PCDHA5: variants seen among roughly 807,000 people sequenced by gnomAD.
PCDHA5 encodes the protein protocadherin alpha 5.
Under a neutral mutation model 61.6 loss-of-function variants are expected in PCDHA5, and 43 were observed. That is an observed-to-expected ratio of 0.70 (90% CI 0.55 to 0.90). The LOEUF is 0.90. PCDHA5 is among the 40% of genes least tolerant of loss of function. PCDHA5 has a pLI of 0.00. For synonymous variants in PCDHA5, 627 were observed against 543.9 expected, an observed-to-expected ratio of 1.15 and a Z score of -2.13; for missense variants, 1,298 against 1,222.7, an observed-to-expected ratio of 1.06 and a Z score of -0.92.
chr5:140,846,015 G>C (rs567874372), intron 1 of PCDHA5, among the ~76,000 whole-genome samples: 1 of 149,618 alleles, frequency 6.7e-6, no homozygotes, highest in South Asian at 2.1e-4. Flanking sequence ...AAATCTAAAA[G>C]TTATTACGAG....
chr5:140,846,369 CTTTCTTTTTTT>C (rs1554141260), intron 1 of PCDHA5, among the ~76,000 whole-genome samples: 1 of 102,192 alleles, frequency 9.8e-6, no homozygotes, highest in Admixed American at 1.1e-4. Context: ...TCTTTTCTTT[CTTTCTTTTTTT>C]TTTTTTTTTT....
At chr5:140,978,798 G>T (rs1249216156) in intron 1 of PCDHA5, 151 bp from the exon 2 acceptor site, 2 of 1,477,414 alleles carry the variant, frequency 1.4e-6, no homozygotes, top group Admixed American at 2.3e-5. Context: ...TATATATGTA[G>T]ATATCATCAT....
chr5:140,847,369 A>G (rs1780982240), intron 1 of PCDHA5: 1 of 149,774 alleles, frequency 6.7e-6, no homozygotes. Context: ...ATACGAAATA[A>G]AAGATAAATA....
rs1417352469 is a variant in PCDHA5 at position 140,875,131 on chromosome 5, G to A, written c.2352+51004G>A. ...AATATCATGTATATTAACTAAACCC[G>A]CATTTATAAATGATCCGTGAAAAAT... On this transcript the variant is annotated intron_variant, in intron 1 of 3. Coordinates refer to ENST00000529859, the MANE Select transcript of PCDHA5 (RefSeq NM_018908.3). Among the ~76,000 whole-genome samples, 5 of 152,228 alleles carry A rather than the reference G, an allele frequency of 3.3e-5. No individual in the cohort carries two copies. The East Asian group carries it at 9.6e-4, about 29-fold the overall frequency.
chr5:140,929,153 A>G (rs1554206749), intron 1 of PCDHA5: 1 of 1,614,164 alleles, frequency 6.2e-7, no homozygotes, highest in East Asian at 2.2e-5. Context: ...TCTCAGACTT[A>G]TCTCTATCGG....
intron 1 of PCDHA5, chr5:140,876,900 G>T: frequency 1.2e-6 from 2 of 1,614,114 alleles, no homozygotes; most frequent in East Asian, 2.2e-5. Context: ...ACATCTTCAC[G>T]GTGTCGGCAT....
intron 1 of PCDHA5, among the ~76,000 whole-genome samples, chr5:140,921,468 C>T (rs886501347): frequency 3.3e-5 from 5 of 152,182 alleles, no homozygotes; most frequent in African/African-American, 1.2e-4. Flanking sequence ...GCAACCACTA[C>T]CAAACCACTC....
intron 1 of PCDHA5, chr5:140,853,184 T>G (rs1229624873): frequency 1.0e-6 from 1 of 977,906 alleles, no homozygotes; most frequent in East Asian, 1.1e-4. Context: ...TGGCCTAAAA[T>G]GTGTTCTTTA....
At chr5:140,846,369 C>CTTTTTTTTTTTTTTTTTT (rs797033964) in intron 1 of PCDHA5, among the ~76,000 whole-genome samples, 2 of 102,192 alleles carry the variant, frequency 2.0e-5, no homozygotes, top group South Asian at 3.3e-4. Flanking sequence ...TCTTTTCTTT[C>CTTTTTTTTTTTTTTTTTT]TTTCTTTTTT....
At position 140,823,675 on chromosome 5, in the gene PCDHA5, C is replaced by T; in HGVS notation, c.1900C>T (p.Arg634Cys). 1.9e-6 allele frequency: 3 copies of T among 1,614,056 alleles called. No homozygotes were observed. Among genetic ancestry groups the T allele is most frequent in the Non-Finnish European group, 1.7e-6 (2 of 1,179,958 alleles). Reference protein sequence around the residue: ...GLYTGEISTTRSLDETEAPRH... With the variant: ...GLYTGEISTTCSLDETEAPRH... Reference sequence around the variant, plus strand: ...GTACACAGGCGAGATCAGCACAACACGCTCTCTGGATGAGACCGAAGCACC... The same window carrying T: ...GTACACAGGCGAGATCAGCACAACATGCTCTCTGGATGAGACCGAAGCACC... Residue 634 changes from arginine to cysteine, a missense_variant, in exon 1 of 4, where the codon CGC becomes TGC. Coordinates refer to ENST00000529859, the MANE Select transcript of PCDHA5 (RefSeq NM_018908.3).
chr5:140,888,811 T>C (rs187578319), intron 1 of PCDHA5, among the ~76,000 whole-genome samples: 124 of 152,270 alleles, frequency 8.1e-4, no homozygotes, highest in African/African-American at 1.8e-3. Context: ...CAGTGATCTG[T>C]GATCTGTGAT....
intron 1 of PCDHA5, chr5:140,870,762 C>T (rs1581982773): frequency 1.2e-6 from 2 of 1,613,514 alleles, no homozygotes; most frequent in East Asian, 2.2e-5. Context: ...TGCAGGTGTT[C>T]GTGCTGGACG....
At chr5:140,843,816 A>T in intron 1 of PCDHA5, 1 of 1,230,332 alleles carries the variant, frequency 8.1e-7, no homozygotes, top group Non-Finnish European at 1.1e-6. Context: ...TTTATAGTGA[A>T]AATTTAAACA....
At chr5:140,905,620 T>G (rs1417322136) in intron 1 of PCDHA5, among the ~76,000 whole-genome samples, 2 of 152,210 alleles carry the variant, frequency 1.3e-5, no homozygotes, top group African/African-American at 4.8e-5. Context: ...ATAGATTGCT[T>G]TTGACAGTAT....
intron 1 of PCDHA5, among the ~76,000 whole-genome samples, chr5:140,961,590 A>C (rs1554225489): frequency 2.0e-5 from 3 of 152,100 alleles, no homozygotes; most frequent in Non-Finnish European, 4.4e-5. Flanking sequence ...TATTTTGGCA[A>C]TGATTCTAGT....
chr5:140,843,381 T>G lies in PCDHA5; in HGVS notation c.2352+19254T>G, dbSNP rs2150358739. The G allele has an allele frequency of 6.3e-6, 10 of 1,595,976 alleles. 2 individuals carry two copies. The African/African-American group carries it at 1.2e-4, about 19-fold the overall frequency. On this transcript the variant is annotated intron_variant, in intron 1 of 3. Coordinates refer to ENST00000529859, the MANE Select transcript of PCDHA5 (RefSeq NM_018908.3). ...TCATCGAGGCAGTCGGCTGGCGTTT[T>G]GGGTCCGGAAGCGGCGCTGGTGGAT...
intron 1 of PCDHA5, among the ~76,000 whole-genome samples, chr5:140,840,434 G>A (rs1349807870): frequency 6.6e-6 from 1 of 151,928 alleles, no homozygotes; most frequent in Non-Finnish European, 1.5e-5. Flanking sequence ...GTTTAAAGCC[G>A]TGGAAATAGA....
At chr5:140,906,158 C>G (rs1186216636) in intron 1 of PCDHA5, among the ~76,000 whole-genome samples, 1 of 152,140 alleles carries the variant, frequency 6.6e-6, no homozygotes, top group East Asian at 1.9e-4. Context: ...CACAGACACA[C>G]CCAGGAACAA....
chr5:140,940,208 A>C (rs1193106137), intron 1 of PCDHA5, among the ~76,000 whole-genome samples: 1 of 152,164 alleles, frequency 6.6e-6, no homozygotes, highest in Non-Finnish European at 1.5e-5. Context: ...AAAATTCAAG[A>C]TTGGCATTTA....
Sources: gnomAD v4.1 joint callset for allele counts (sites outside exome capture counted in the v4.1 genomes callset) on GRCh38, gnomAD v4.1.1 for gene constraint, MANE v1.5 for transcripts, NCBI Gene and HGNC (gene_info 2026-07-23, HGNC 2026-07-21) for gene names.